CRTC3: variants seen among roughly 807,000 people sequenced by gnomAD.
CRTC3 encodes CREB regulated transcription coactivator 3, also known as CREB-regulated transcription coactivator 3.
In CRTC3, 26 loss-of-function variants were observed where a neutral mutation model predicts 74.5. That is an observed-to-expected ratio of 0.35 (90% CI 0.26 to 0.48). CRTC3 has a LOEUF of 0.48. Among genes scored for constraint, CRTC3 ranks in the 20% least tolerant of loss-of-function variants. The probability of loss-of-function intolerance (pLI) is 0.99; values close to 1 mark genes in which losing one functional copy is unlikely to be tolerated. For synonymous variants in CRTC3, 377 were observed against 325.8 expected (o/e 1.16, Z -1.69); for missense variants, 760 against 787.3 (o/e 0.97, Z 0.41).
In CRTC3 at chr15:90,642,380, A is replaced by C; in HGVS notation, c.*240A>C. On this transcript the variant is annotated 3_prime_UTR_variant, in exon 15 of 15. Transcript: ENST00000268184. ...GTGTTGCAGCAGGCAGGCTGCTTGGAGCTTCCCATGAACTGGAAAGCTCAC... is the reference window on the plus strand; with the variant it reads ...GTGTTGCAGCAGGCAGGCTGCTTGGCGCTTCCCATGAACTGGAAAGCTCAC... 1 of 550,534 alleles carries C rather than the reference A, an allele frequency of 1.8e-6. No individual in the cohort carries two copies. The highest frequency in any genetic ancestry group is 3.1e-5 in the East Asian group (1 of 32,706). The allele number at this position is 550,534 out of a possible 1,614,324, so 34.1% of individuals were successfully genotyped here.
At chr15:90,570,998 T>C (rs1365322116) in intron 2 of CRTC3, among the ~76,000 whole-genome samples, 1 of 152,196 alleles carries the variant, frequency 6.6e-6, no homozygotes, top group Non-Finnish European at 1.5e-5. Flanking sequence ...GTGGTTGTAT[T>C]TGGAAGGTAG....
Position 90,638,807 on chromosome 15 carries a change from C to T in CRTC3, c.1540C>T (p.Pro514Ser), listed in dbSNP as rs1171190438. The change falls in exon 13 of 15, where the codon CCT becomes TCT. Residue 514 changes from proline (P) to serine (S), a missense_variant. Around this residue, in one of 2 missense-constraint regions of CRTC3, gnomAD observed 652 missense variants for 635.2 expected, o/e 1.03. Transcript: ENST00000268184. ...QQSMRPGPAF[P>S]QQVPLVQQGS... ...GTCCATGAGGCCAGGCCCTGCCTTT[C>T]CTCAACAGGTGGGTGATCGCCCCTG... The T allele has an allele frequency of 6.2e-7, 1 of 1,613,914 alleles. No homozygotes were observed. Among genetic ancestry groups the T allele is most frequent in the East Asian group, 2.2e-5 (1 of 44,882 alleles).
At chr15:90,556,550 A>G (rs1023777063) in intron 2 of CRTC3, among the ~76,000 whole-genome samples, 7 of 152,236 alleles carry the variant, frequency 4.6e-5, no homozygotes, top group African/African-American at 1.7e-4. Context: ...CTGAAGCACA[A>G]AATTTAATCA....
chr15:90,598,154 G>T, intron 3 of CRTC3: 1 of 416,634 alleles, frequency 2.4e-6, no homozygotes, highest in South Asian at 2.9e-5. Context: ...TCCAGAGCAG[G>T]AGAGAAATGA....
rs1966613501 is a variant in CRTC3, at chr15:90,530,739, G to C, written c.132+536G>C. 2.6e-5 allele frequency: 4 copies of C among 152,350 alleles called. No individual in the cohort carries two copies. The highest frequency in any genetic ancestry group is 2.6e-4 in the Admixed American group (4 of 15,292). 9.4% of individuals were successfully genotyped at this position (152,350 alleles called of 1,614,324 possible). On this transcript the variant is annotated intron_variant, in intron 1 of 14. Coordinates refer to ENST00000268184, the MANE Select transcript of CRTC3 (RefSeq NM_022769.5). This position sits in a 1 kb window ranked among gnomAD's most constrained non-coding sequence, Gnocchi z 6.2. Reference sequence around the variant, plus strand: ...GTTGTTGGAACCACGACGGGATTCCGTGTCGAGTGTGAGGCTCTGCTCCTT... The same window carrying C: ...GTTGTTGGAACCACGACGGGATTCCCTGTCGAGTGTGAGGCTCTGCTCCTT...
intron 2 of CRTC3, among the ~76,000 whole-genome samples, chr15:90,579,557 C>A (rs1263740544): frequency 1.3e-5 from 2 of 148,480 alleles, no homozygotes; most frequent in African/African-American, 5.0e-5. Flanking sequence ...GGAAAAAATT[C>A]TTTAGCATTT....
chr15:90,565,035 C>T (rs1236961064), intron 2 of CRTC3, among the ~76,000 whole-genome samples: 8 of 152,138 alleles, frequency 5.3e-5, no homozygotes, highest in Non-Finnish European at 1.0e-4. Flanking sequence ...CTCTGCCTCC[C>T]GGGTTCAAGC....
At chr15:90,596,837 T>G (rs1185221193) in intron 3 of CRTC3, among the ~76,000 whole-genome samples, 1 of 152,238 alleles carries the variant, frequency 6.6e-6, no homozygotes, top group East Asian at 1.9e-4. Flanking sequence ...TGAATCTTTG[T>G]TAGAACAAAA....
At chr15:90,571,680 A>C (rs966131107) in intron 2 of CRTC3, among the ~76,000 whole-genome samples, 1 of 152,168 alleles carries the variant, frequency 6.6e-6, no homozygotes, top group Non-Finnish European at 1.5e-5. Flanking sequence ...AAACATGAAA[A>C]GTAAAAGTCT....
intron 9 of CRTC3, among the ~76,000 whole-genome samples, chr15:90,625,274 G>A (rs562291111): frequency 9.2e-5 from 14 of 152,332 alleles, no homozygotes; most frequent in African/African-American, 3.4e-4. Flanking sequence ...CCCGCTGCCT[G>A]GCACACAGTG....
intron 2 of CRTC3, among the ~76,000 whole-genome samples, chr15:90,564,992 G>C (rs1967092026): frequency 6.6e-6 from 1 of 151,866 alleles, no homozygotes; most frequent in Non-Finnish European, 1.5e-5. Flanking sequence ...GCCCAGGCTG[G>C]AGTGCAATGA....
intron 11 of CRTC3, among the ~76,000 whole-genome samples, chr15:90,629,910 G>C (rs1379829706): frequency 6.6e-6 from 1 of 152,158 alleles, no homozygotes; most frequent in South Asian, 2.1e-4. Context: ...TTTTTGTAGA[G>C]ACAAGTTCTC....
chr15:90,629,540 C>G lies in CRTC3; in HGVS notation c.1266+8C>G, dbSNP rs1442974155. On this transcript the variant is annotated splice_region_variant and intron_variant, in intron 11 of 14. Transcript: ENST00000268184. ...CCATATCCTACCTCCCAGGTAAACA[C>G]ACACAGACAGACCAACCACTACAGT... is the stretch of plus-strand genomic sequence containing the variant. The G allele has an allele frequency of 8.1e-6, 13 of 1,613,248 alleles. No homozygotes were observed. The highest frequency in any genetic ancestry group is 1.1e-5 in the Non-Finnish European group (13 of 1,179,244).
At chr15:90,638,171 C>T (rs1230444860) in intron 11 of CRTC3, 10 of 367,220 alleles carry the variant, frequency 2.7e-5, no homozygotes, top group South Asian at 9.9e-5. Flanking sequence ...ATGATTTTCA[C>T]GGAGAAAACT....
intron 8 of CRTC3, among the ~76,000 whole-genome samples, chr15:90,619,269 C>T (rs1968574960): frequency 6.6e-6 from 1 of 152,140 alleles, no homozygotes; most frequent in Non-Finnish European, 1.5e-5. Context: ...CCAGCCTGGC[C>T]AACATGGTGA....
intron 14 of CRTC3, 161 bp downstream of exon 14, chr15:90,641,360 C>A: frequency 1.6e-6 from 1 of 608,668 alleles, no homozygotes; most frequent in Non-Finnish European, 2.9e-6. Flanking sequence ...GCCTCAGAGA[C>A]CGTGACACAG....
chr15:90,640,933 T>C (rs1969416526), intron 13 of CRTC3, 164 bp from the exon 14 acceptor site: 2 of 610,304 alleles, frequency 3.3e-6, no homozygotes, highest in Admixed American at 2.7e-5. Context: ...GACAAGAATA[T>C]TGTGCATGCA....
chr15:90,628,952 C>T (rs1057120788), intron 10 of CRTC3, among the ~76,000 whole-genome samples: 1 of 152,144 alleles, frequency 6.6e-6, no homozygotes, highest in Non-Finnish European at 1.5e-5. Context: ...GCCTCTGTTA[C>T]CCCGGTTTAC....
chr15:90,568,634 T>C (rs1274472536), intron 2 of CRTC3, among the ~76,000 whole-genome samples: 1 of 151,960 alleles, frequency 6.6e-6, no homozygotes, highest in Non-Finnish European at 1.5e-5. Flanking sequence ...TACAGACCTA[T>C]TGACTCCAAT....
Sources: allele counts gnomAD v4.1 joint callset (sites outside exome capture counted in the v4.1 genomes callset), GRCh38; gene constraint gnomAD v4.1.1; regional missense constraint gnomAD v4.1.1; non-coding constraint Gnocchi (gnomAD v3.1); transcripts MANE v1.5; gene names NCBI Gene and HGNC (gene_info 2026-07-23, HGNC 2026-07-21).